CEP83: variants seen among roughly 807,000 people sequenced by gnomAD.
CEP83 encodes the protein centrosomal protein 83.
CEP83 carries 70 observed loss-of-function variants against 101.9 expected under a neutral mutation model. The ratio of observed to expected loss-of-function variants is 0.69; its 90% CI spans 0.57 to 0.84. The LOEUF is 0.84. Among genes scored for constraint, CEP83 ranks in the 40% least tolerant of loss-of-function variants. The pLI, the probability that CEP83 is intolerant of heterozygous loss-of-function variation, is 0.00. For synonymous variants in CEP83, 264 were observed against 267.9 expected, an observed-to-expected ratio of 0.99 and a Z score of 0.14; for missense variants, 715 against 787.2, an observed-to-expected ratio of 0.91 and a Z score of 1.10.
the CEP83 span, among the ~76,000 whole-genome samples, chr12:94,279,121 A>T: frequency 6.6e-6 from 1 of 152,310 alleles, no homozygotes; most frequent in African/African-American, 2.4e-5. Flanking sequence ...AGTCTGCCTC[A>T]TCTACTGTGG....
chr12:94,338,566 G>C (rs1337936886), intron 11 of CEP83, among the ~76,000 whole-genome samples: 1 of 152,098 alleles, frequency 6.6e-6, no homozygotes, highest in Admixed American at 6.6e-5. Flanking sequence ...TTTCAGCAGG[G>C]GGAGAGGCAT....
intron 15 of CEP83, among the ~76,000 whole-genome samples, chr12:94,311,588 A>T (rs928899321): frequency 4.6e-5 from 7 of 152,054 alleles, no homozygotes; most frequent in African/African-American, 1.7e-4. Context: ...AAAACTGATT[A>T]CTCCATGTAT....
chr12:94,367,786 T>A lies in CEP83; in HGVS notation c.1343+8A>T, dbSNP rs1180838000. On this transcript the variant is annotated splice_region_variant and intron_variant, in intron 11 of 16. Coordinates refer to ENST00000397809, the MANE Select transcript of CEP83 (RefSeq NM_016122.3). Reference sequence around the variant, plus strand: ...ATGAAAAACTTTAAATATATATGTATATATAACCTAACACTCTGAAGCTCC... The same window carrying A: ...ATGAAAAACTTTAAATATATATGTAAATATAACCTAACACTCTGAAGCTCC... 5 of 1,593,516 alleles carry A rather than the reference T, an allele frequency of 3.1e-6. No homozygotes were observed. The Admixed American group carries it at 5.4e-5, about 17-fold the overall frequency.
At chr12:94,353,527 T>C (rs2060298351) in intron 11 of CEP83, among the ~76,000 whole-genome samples, 1 of 152,006 alleles carries the variant, frequency 6.6e-6, no homozygotes, top group Admixed American at 6.5e-5. Flanking sequence ...ACAGAAGATC[T>C]ACAGTACAAC....
the CEP83 span, among the ~76,000 whole-genome samples, chr12:94,269,357 A>G: frequency 6.6e-6 from 1 of 152,220 alleles, no homozygotes; most frequent in Admixed American, 6.5e-5. Flanking sequence ...AATGCCTCCA[A>G]TTTGATTTAT....
At chr12:94,436,423 C>T (rs1304957445) in intron 1 of CEP83, among the ~76,000 whole-genome samples, 2 of 151,912 alleles carry the variant, frequency 1.3e-5, no homozygotes, top group African/African-American at 4.8e-5. Flanking sequence ...ATTAAATACA[C>T]ACTTAGAGAA....
At chr12:94,283,803 G>C in the CEP83 span, among the ~76,000 whole-genome samples, 1 of 152,192 alleles carries the variant, frequency 6.6e-6, no homozygotes, top group Admixed American at 6.5e-5. Context: ...CAGGGTCTGG[G>C]CCAGGCGTGG....
intron 14 of CEP83, 136 bp downstream of exon 14, chr12:94,331,564 T>A: frequency 1.4e-6 from 1 of 691,810 alleles, no homozygotes; most frequent in Non-Finnish European, 2.4e-6. Flanking sequence ...AGAGATGGGG[T>A]TTCACTGTGT....
intron 11 of CEP83, among the ~76,000 whole-genome samples, chr12:94,337,027 C>T (rs1168734597): frequency 1.3e-5 from 2 of 152,104 alleles, no homozygotes; most frequent in Non-Finnish European, 2.9e-5. Context: ...CACTGTGGGT[C>T]CCAGCTCAGG....
At chr12:94,338,450 A>C (rs1210491906) in intron 11 of CEP83, among the ~76,000 whole-genome samples, 4 of 152,120 alleles carry the variant, frequency 2.6e-5, no homozygotes, top group Non-Finnish European at 5.9e-5. Context: ...GGGGCTTACA[A>C]ATGCTCATTT....
chr12:94,392,484 A>G (rs1186081766), intron 6 of CEP83, among the ~76,000 whole-genome samples: 3 of 152,254 alleles, frequency 2.0e-5, no homozygotes, highest in Admixed American at 1.3e-4. Flanking sequence ...GGACACATTT[A>G]CAGCAGTGTG....
chr12:94,372,155 G>T (rs931000797), intron 8 of CEP83, among the ~76,000 whole-genome samples: 1 of 151,874 alleles, frequency 6.6e-6, no homozygotes, highest in Admixed American at 6.6e-5. Context: ...TGTATTTTTA[G>T]TAGAGATGGG....
intron 5 of CEP83, 195 bp from the exon 6 acceptor site, chr12:94,401,176 C>A: frequency 3.7e-6 from 1 of 270,094 alleles, no homozygotes; most frequent in Non-Finnish European, 6.9e-6. Context: ...GTAGTACATT[C>A]CTGAAAAGAT....
the CEP83 span, among the ~76,000 whole-genome samples, chr12:94,295,833 T>C: frequency 6.6e-6 from 1 of 152,194 alleles, no homozygotes; most frequent in Non-Finnish European, 1.5e-5. Context: ...TTGTCCATAA[T>C]GTCTGCCTTC....
chr12:94,368,472 A>G (rs1372033281), intron 9 of CEP83: 1 of 285,116 alleles, frequency 3.5e-6, no homozygotes, highest in Non-Finnish European at 6.4e-6. Flanking sequence ...TACTCATTCG[A>G]ACATTGAGAG....
chr12:94,407,979 A>G (rs2063650506), intron 4 of CEP83: 1 of 152,054 alleles, frequency 6.6e-6, no homozygotes. Flanking sequence ...CACTACACCC[A>G]GCTAATATTT....
intron 14 of CEP83, among the ~76,000 whole-genome samples, chr12:94,328,537 G>A (rs2059070366): frequency 6.6e-6 from 1 of 152,036 alleles, no homozygotes; most frequent in Admixed American, 6.6e-5. Context: ...ACATCTTACG[G>A]CAAAAAATGC....
At chr12:94,378,279 C>T (rs1048828353) in intron 7 of CEP83, among the ~76,000 whole-genome samples, 26 of 152,278 alleles carry the variant, frequency 1.7e-4, no homozygotes, top group African/African-American at 6.3e-4. Flanking sequence ...TTATCTTTCT[C>T]TAATGAACCC....
At chr12:94,282,091 A>AG in the CEP83 span, 1 of 501,158 alleles carries the variant, frequency 2.0e-6, no homozygotes, top group African/African-American at 2.0e-5. Context: ...TTATCAGGGA[A>AG]GAAGTGGTTT....
Sources: gnomAD v4.1 joint callset for allele counts (sites outside exome capture counted in the v4.1 genomes callset) on GRCh38, gnomAD v4.1.1 for gene constraint, MANE v1.5 for transcripts, NCBI Gene and HGNC (gene_info 2026-07-23, HGNC 2026-07-21) for gene names.